TSHZ2: variants seen among roughly 807,000 people sequenced by gnomAD.
TSHZ2 encodes the protein teashirt homolog 2.
A neutral mutation model predicts 74.4 loss-of-function variants in TSHZ2; 21 were observed. The observed-to-expected ratio is 0.28, with a 90% CI of 0.20 to 0.41. TSHZ2 has a LOEUF of 0.41. Among genes scored for constraint, TSHZ2 ranks in the 10% least tolerant of loss-of-function variants. TSHZ2 has a pLI of 1.00. For missense variants in TSHZ2, 1,244 were observed against 1,293.5 expected (o/e 0.96, Z 0.59); for synonymous variants, 540 against 515.3 (o/e 1.05, Z -0.65).
intron 1 of TSHZ2, among the ~76,000 whole-genome samples, chr20:53,113,123 G>C (rs1160377082): frequency 2.0e-5 from 3 of 152,218 alleles, no homozygotes; most frequent in African/African-American, 7.2e-5. Flanking sequence ...GACTGCAGAA[G>C]AAGTCAGGTG....
chr20:53,207,172 C>G (rs184217815), intron 1 of TSHZ2, among the ~76,000 whole-genome samples: 1 of 152,246 alleles, frequency 6.6e-6, no homozygotes, highest in Non-Finnish European at 1.5e-5. Context: ...TCAGCCTGCC[C>G]TGTTTGAAAT....
At chr20:53,139,625 T>C (rs374156006) in intron 1 of TSHZ2, among the ~76,000 whole-genome samples, 3 of 152,230 alleles carry the variant, frequency 2.0e-5, no homozygotes, top group East Asian at 3.8e-4. Flanking sequence ...AGTGGAATCT[T>C]TCGTGTCAGA....
chr20:53,477,966 T>C (rs74175968), intron 2 of TSHZ2, among the ~76,000 whole-genome samples: 5,959 of 115,988 alleles, frequency 0.051, 282 homozygotes, highest in East Asian at 0.091. Context: ...AATGAGATAC[T>C]ATCTCACACT....
At chr20:53,426,486 A>G (rs1173968605) in intron 2 of TSHZ2, among the ~76,000 whole-genome samples, 1 of 151,862 alleles carries the variant, frequency 6.6e-6, no homozygotes, top group Non-Finnish European at 1.5e-5. Flanking sequence ...GGTGATCACA[A>G]TTTTCAGATT....
rs201928929 is a variant in TSHZ2, at chr20:53,144,593, C to G, written c.41-108906C>G. Among the ~76,000 whole-genome samples the G allele has an allele frequency of 2.6e-5, 4 of 152,236 alleles. No individual in the cohort carries two copies. The South Asian group carries it at 8.3e-4, about 32-fold the overall frequency. Reference sequence around the variant, plus strand: ...AACTCCATGAATCCCTACAACAGCCCTATATTATTAGGTATTATTATTATT... The same window carrying G: ...AACTCCATGAATCCCTACAACAGCCGTATATTATTAGGTATTATTATTATT... On this transcript the variant is annotated intron_variant, in intron 1 of 2. Coordinates refer to ENST00000371497, the MANE Select transcript of TSHZ2 (RefSeq NM_173485.6).
intron 2 of TSHZ2, among the ~76,000 whole-genome samples, chr20:53,414,847 G>C (rs1983180568): frequency 6.6e-6 from 1 of 152,152 alleles, no homozygotes; most frequent in South Asian, 2.1e-4. Context: ...TGAGTGGGCA[G>C]ACCTGGGTCT....
intron 1 of TSHZ2, among the ~76,000 whole-genome samples, chr20:52,980,274 C>T (rs1981514677): frequency 1.3e-5 from 2 of 152,150 alleles, no homozygotes; most frequent in East Asian, 1.9e-4. Context: ...AAATGAGAAG[C>T]GGTGAAGCAG....
chr20:53,227,983 C>T (rs1480307054), intron 1 of TSHZ2, among the ~76,000 whole-genome samples: 5 of 148,862 alleles, frequency 3.4e-5, no homozygotes, highest in Admixed American at 6.7e-5. Flanking sequence ...GGCCCAAGTA[C>T]GTAGCAAACT....
intron 1 of TSHZ2, among the ~76,000 whole-genome samples, chr20:53,245,868 A>G (rs1990188988): frequency 6.6e-6 from 1 of 152,132 alleles, no homozygotes; most frequent in Non-Finnish European, 1.5e-5. Flanking sequence ...GAACCAGAAA[A>G]GCACACCAGA....
Position 52,999,262 on chromosome 20 carries a change from G to A in TSHZ2, c.40+25929G>A, listed in dbSNP as rs1982321705. Among the ~76,000 whole-genome samples, 4 of 152,206 alleles carry A rather than the reference G, an allele frequency of 2.6e-5. No homozygotes were observed. In the South Asian group the frequency reaches 8.3e-4, roughly 32 times the overall value. On this transcript the variant is annotated intron_variant, in intron 1 of 2. Coordinates refer to ENST00000371497, the MANE Select transcript of TSHZ2 (RefSeq NM_173485.6). ...ATTAAGCACACCACCTGGGTGCCAA[G>A]CACTGTTCTGTAGCAGCAGTAATGA...
At chr20:53,389,173 C>T (rs1390010673) in intron 2 of TSHZ2, among the ~76,000 whole-genome samples, 1 of 152,158 alleles carries the variant, frequency 6.6e-6, no homozygotes, top group Admixed American at 6.5e-5. Flanking sequence ...GATAGGGTCC[C>T]CTCCTAGTGT....
intron 2 of TSHZ2, among the ~76,000 whole-genome samples, chr20:53,436,551 T>TA (rs1174001344): frequency 7.5e-6 from 1 of 134,046 alleles, no homozygotes. Flanking sequence ...TATTATTATT[T>TA]TTTTTTTTTT....
At chr20:53,108,832 A>T (rs555373525) in intron 1 of TSHZ2, among the ~76,000 whole-genome samples, 1 of 152,344 alleles carries the variant, frequency 6.6e-6, no homozygotes, top group Admixed American at 6.5e-5. Context: ...AAACAAAAGC[A>T]AACAGGCTGC....
intron 2 of TSHZ2, among the ~76,000 whole-genome samples, chr20:53,413,900 G>T (rs1600620286): frequency 6.6e-6 from 1 of 152,152 alleles, no homozygotes; most frequent in African/African-American, 2.4e-5. Context: ...CCAGTACTTT[G>T]GGAGGCCAAG....
At chr20:53,444,301 C>T (rs982165460) in intron 2 of TSHZ2, among the ~76,000 whole-genome samples, 16 of 152,268 alleles carry the variant, frequency 1.1e-4, no homozygotes, top group African/African-American at 3.9e-4. Context: ...ACAATGCTCT[C>T]CCTCCACACA....
intron 1 of TSHZ2, among the ~76,000 whole-genome samples, chr20:53,184,716 TATA>T (rs1179100509): frequency 2.6e-5 from 4 of 152,218 alleles, no homozygotes; most frequent in Non-Finnish European, 5.9e-5. Context: ...TTTCTAATTT[TATA>T]ATTTTTTGAG....
At chr20:53,047,047 GAC>G (rs1259491684) in intron 1 of TSHZ2, among the ~76,000 whole-genome samples, 9 of 152,136 alleles carry the variant, frequency 5.9e-5, no homozygotes, top group Admixed American at 4.6e-4. Flanking sequence ...CTCATATGAA[GAC>G]ACATGTGAAC....
intron 1 of TSHZ2, among the ~76,000 whole-genome samples, chr20:53,123,377 G>T (rs1345713565): frequency 6.6e-6 from 1 of 152,108 alleles, no homozygotes; most frequent in African/African-American, 2.4e-5. Context: ...TTCCATGAGG[G>T]ATTACAGCCT....
At chr20:53,329,752 A>C (rs557915798) in intron 2 of TSHZ2, among the ~76,000 whole-genome samples, 142 of 152,348 alleles carry the variant, frequency 9.3e-4, no homozygotes, top group Middle Eastern at 3.4e-3. Flanking sequence ...GAAATCAGCT[A>C]AAAACAGCAA....
Sources: allele counts gnomAD v4.1 joint callset (sites outside exome capture counted in the v4.1 genomes callset), GRCh38; gene constraint gnomAD v4.1.1; transcripts MANE v1.5; gene names NCBI Gene and HGNC (gene_info 2026-07-23, HGNC 2026-07-21).